Variants in CNTN5 observed in about 807,000 individuals in gnomAD.
CNTN5 encodes contactin-5.
In CNTN5, 77 loss-of-function variants were observed where a neutral mutation model predicts 129.1. The ratio of observed to expected loss-of-function variants is 0.60; its 90% CI spans 0.50 to 0.72. CNTN5 has a LOEUF of 0.72. CNTN5 is among the 30% of genes least tolerant of loss of function. The pLI is 0.00. For missense variants in CNTN5, 1,478 were observed against 1,328.8 expected (o/e 1.11, Z -1.75); for synonymous variants, 509 against 465.6 (o/e 1.09, Z -1.20).
intron 18 of CNTN5, among the ~76,000 whole-genome samples, chr11:100,292,090 T>C (rs959492617): frequency 2.6e-5 from 4 of 151,966 alleles, no homozygotes; most frequent in African/African-American, 9.7e-5. Context: ...TCTCATTCCT[T>C]CCCAGCACAG....
chr11:99,832,104 C>T (rs561886383), intron 4 of CNTN5, among the ~76,000 whole-genome samples: 14 of 152,180 alleles, frequency 9.2e-5, no homozygotes, highest in African/African-American at 2.4e-4. Flanking sequence ...GAGTTGTCTC[C>T]GCTGCTTTAT....
intron 13 of CNTN5, among the ~76,000 whole-genome samples, chr11:100,139,835 G>T (rs867091011): frequency 4.1e-4 from 62 of 152,224 alleles, no homozygotes; most frequent in Admixed American, 1.9e-3. Flanking sequence ...GGTGACAAGA[G>T]TGAGACTCTG....
intron 18 of CNTN5, among the ~76,000 whole-genome samples, chr11:100,290,410 T>C (rs1471097869): frequency 1.3e-5 from 2 of 149,056 alleles, no homozygotes; most frequent in Non-Finnish European, 3.0e-5. Context: ...AAAACAGAGA[T>C]ATAGATCAAT....
In CNTN5 at chr11:99,702,095, T is replaced by G. The variant is rs184035334; in HGVS notation, c.56-117449T>G. Among the ~76,000 whole-genome samples, 222 of 151,186 alleles carry G rather than the reference T, an allele frequency of 1.5e-3. 1 individual carries two copies. Among genetic ancestry groups the G allele is most frequent in the African/African-American group, 5.3e-3 (218 of 41,458 alleles). Reference sequence around the variant, plus strand: ...TAGTTATTAATAGAGATAACTCTCCTTATTAGACAAAAGCTCACAAAAACT... The same window carrying G: ...TAGTTATTAATAGAGATAACTCTCCGTATTAGACAAAAGCTCACAAAAACT... On this transcript the variant is annotated intron_variant, in intron 3 of 24. Transcript: ENST00000524871.
chr11:100,003,402 G>A (rs1939999328), intron 9 of CNTN5, among the ~76,000 whole-genome samples: 1 of 152,188 alleles, frequency 6.6e-6, no homozygotes, highest in African/African-American at 2.4e-5. Flanking sequence ...TGTCAAATAG[G>A]TCTGAAAATG....
chr11:99,057,571 T>C (rs770241944), intron 1 of CNTN5, among the ~76,000 whole-genome samples: 1 of 152,124 alleles, frequency 6.6e-6, no homozygotes, highest in Non-Finnish European at 1.5e-5. Context: ...ATGTCTTTTA[T>C]TGAACATGAT....
intron 1 of CNTN5, among the ~76,000 whole-genome samples, chr11:99,130,279 C>T (rs540142803): frequency 6.6e-6 from 1 of 151,974 alleles, no homozygotes; most frequent in Non-Finnish European, 1.5e-5. Context: ...ATTTACCAAA[C>T]AAATAGAAAG....
chr11:99,449,370 G>GA (rs761738549), intron 2 of CNTN5, among the ~76,000 whole-genome samples: 3 of 151,626 alleles, frequency 2.0e-5, no homozygotes, highest in Admixed American at 6.6e-5. Context: ...TTTCCCTGTG[G>GA]AAAAAAAATG....
At chr11:99,758,250 C>CT (rs1565497067) in intron 3 of CNTN5, among the ~76,000 whole-genome samples, 1 of 151,966 alleles carries the variant, frequency 6.6e-6, no homozygotes, top group Non-Finnish European at 1.5e-5. Context: ...TTGTAAGTTT[C>CT]TTTTTTTATT....
At position 100,004,398 on chromosome 11, in the gene CNTN5, A is replaced by G. The variant is rs150043254; in HGVS notation, c.980+2262A>G. ...GGGCTCTCATTCATCCTCTGGCCTC[A>G]ATTTCAATATCACTCCTGAAATAGG... On this transcript the variant is annotated intron_variant, in intron 9 of 24. Transcript: ENST00000524871. Among the ~76,000 whole-genome samples the G allele has an allele frequency of 2.4e-3, 367 of 152,190 alleles. 3 individuals are homozygous for G. The highest frequency in any genetic ancestry group is 8.6e-3 in the African/African-American group (356 of 41,528).
chr11:100,145,876 G>A (rs75441120), intron 13 of CNTN5, among the ~76,000 whole-genome samples: 1 of 152,046 alleles, frequency 6.6e-6, no homozygotes, highest in African/African-American at 2.4e-5. Context: ...AAAGAGTTCT[G>A]TGATCGTCCC....
intron 1 of CNTN5, among the ~76,000 whole-genome samples, chr11:99,105,369 G>A (rs990363362): frequency 6.6e-6 from 1 of 152,136 alleles, no homozygotes; most frequent in Non-Finnish European, 1.5e-5. Context: ...CTTGTGCAAA[G>A]AATATGTTAT....
chr11:99,306,374 T>C (rs1694697174), intron 1 of CNTN5, among the ~76,000 whole-genome samples: 2 of 152,102 alleles, frequency 1.3e-5, no homozygotes, highest in African/African-American at 4.8e-5. Flanking sequence ...AATGAGATAG[T>C]GGACAAAAAA....
intron 6 of CNTN5, among the ~76,000 whole-genome samples, chr11:99,901,928 C>T (rs556221468): frequency 6.6e-6 from 1 of 152,036 alleles, no homozygotes; most frequent in East Asian, 1.9e-4. Flanking sequence ...TATCCCCTGA[C>T]AATCATTTTG....
intron 21 of CNTN5, among the ~76,000 whole-genome samples, chr11:100,327,011 C>T (rs1477420330): frequency 6.6e-6 from 1 of 152,132 alleles, no homozygotes; most frequent in Non-Finnish European, 1.5e-5. Context: ...GCCTTGAAGC[C>T]ATGGTGAGAA....
At chr11:99,969,293 C>T (rs1739565087) in intron 8 of CNTN5, among the ~76,000 whole-genome samples, 1 of 152,072 alleles carries the variant, frequency 6.6e-6, no homozygotes. Context: ...ATATGATTGC[C>T]TGTCATTGTA....
At chr11:99,055,775 C>G (rs1348043276) in intron 1 of CNTN5, among the ~76,000 whole-genome samples, 1 of 151,928 alleles carries the variant, frequency 6.6e-6, no homozygotes, top group Non-Finnish European at 1.5e-5. Flanking sequence ...TTAGTCCATT[C>G]TAACTTATTG....
intron 9 of CNTN5, among the ~76,000 whole-genome samples, chr11:100,035,342 T>G (rs1252360472): frequency 6.8e-6 from 1 of 146,612 alleles, no homozygotes; most frequent in Non-Finnish European, 1.5e-5. Flanking sequence ...GATGTATATG[T>G]GCCACATTTT....
rs193057387 is a variant in CNTN5, at chr11:99,336,095, G to C, written c.-71+10611G>C. Among the ~76,000 whole-genome samples the C allele has an allele frequency of 4.0e-3, 604 of 152,204 alleles. 12 individuals are homozygous for C. Among genetic ancestry groups the C allele is most frequent in the Admixed American group, 0.036 (544 of 15,280 alleles). On this transcript the variant is annotated intron_variant, in intron 2 of 24. Transcript: ENST00000524871. ...ATTTAGCCTTTAATTTATCGGAGGGGTATGTTTGTACACAGTAGTAAATTC... is the reference window on the plus strand; with the variant it reads ...ATTTAGCCTTTAATTTATCGGAGGGCTATGTTTGTACACAGTAGTAAATTC...
Sources: allele counts gnomAD v4.1 joint callset (sites outside exome capture counted in the v4.1 genomes callset), GRCh38; gene constraint gnomAD v4.1.1; transcripts MANE v1.5; gene names NCBI Gene and HGNC (gene_info 2026-07-23, HGNC 2026-07-21).